DLGAP2: variants seen among roughly 807,000 people sequenced by gnomAD.
The protein encoded by DLGAP2 is disks large-associated protein 2.
In DLGAP2, 26 loss-of-function variants were observed where a neutral mutation model predicts 100.3. The ratio of observed to expected loss-of-function variants is 0.26; its 90% confidence interval spans 0.19 to 0.36. The LOEUF (loss-of-function observed/expected upper bound fraction) is 0.36. Ranked by LOEUF, DLGAP2 falls within the 10% of genes least tolerant of loss-of-function variation. The probability of loss-of-function intolerance (pLI) is 1.00; values close to 1 mark genes in which losing one functional copy is unlikely to be tolerated. For missense variants in DLGAP2, 1,858 were observed against 1,453.2 expected (o/e 1.28, Z -4.53); for synonymous variants, 886 against 630.1 (o/e 1.41, Z -6.08).
intron 1 of DLGAP2, among the ~76,000 whole-genome samples, chr8:878,826 C>T (rs1015274815): frequency 6.6e-5 from 10 of 152,176 alleles, no homozygotes; most frequent in African/African-American, 1.9e-4. Flanking sequence ...TGAGACAGCA[C>T]AAGGCTCCCA....
intron 2 of DLGAP2, among the ~76,000 whole-genome samples, chr8:1,149,591 T>A (rs1796664130): frequency 6.6e-6 from 1 of 152,372 alleles, no homozygotes; most frequent in Middle Eastern, 3.4e-3. Flanking sequence ...TATATTCTAA[T>A]ATTTAAGTTT....
intron 6 of DLGAP2, among the ~76,000 whole-genome samples, chr8:1,593,864 G>T (rs1335525214): frequency 6.6e-6 from 1 of 152,196 alleles, no homozygotes; most frequent in Non-Finnish European, 1.5e-5. Flanking sequence ...GCTTCCCACT[G>T]AAGAGGAAAG....
intron 3 of DLGAP2, among the ~76,000 whole-genome samples, chr8:1,382,553 C>A (rs192255373): frequency 6.6e-6 from 1 of 152,152 alleles, no homozygotes; most frequent in East Asian, 1.9e-4. Context: ...CTGGGCAACA[C>A]AGTGAGACCC....
chr8:1,332,375 G>T (rs1301532745), intron 3 of DLGAP2, among the ~76,000 whole-genome samples: 1 of 152,056 alleles, frequency 6.6e-6, no homozygotes, highest in Non-Finnish European at 1.5e-5. Flanking sequence ...ACACATATCT[G>T]CACATGTGTG....
intron 6 of DLGAP2, among the ~76,000 whole-genome samples, chr8:1,582,307 A>AGCCCCACACACATGTACAC (rs1292749651): frequency 2.6e-4 from 27 of 102,318 alleles, no homozygotes; most frequent in East Asian, 5.7e-4. Flanking sequence ...GATACAGATA[A>AGCCCCACACACATGTACAC]AACCTTAAAA....
intron 3 of DLGAP2, among the ~76,000 whole-genome samples, chr8:1,291,973 A>G (rs1374064958): frequency 6.6e-5 from 10 of 152,220 alleles, no homozygotes; most frequent in Admixed American, 6.5e-4. Context: ...AGATGTAGGG[A>G]CATGAGAGGC....
At chr8:1,653,980 C>T (rs1008103445) in intron 8 of DLGAP2, among the ~76,000 whole-genome samples, 1 of 152,144 alleles carries the variant, frequency 6.6e-6, no homozygotes, top group African/African-American at 2.4e-5. Context: ...GAAAGAGAGA[C>T]ATTAGTAACT....
intron 3 of DLGAP2, chr8:1,262,421 C>T (rs540633785): frequency 6.6e-6 from 1 of 152,128 alleles, no homozygotes. Flanking sequence ...CAAGAAGATA[C>T]AGACAGCCCA....
At chr8:1,422,144 G>C (rs1053730861) in intron 3 of DLGAP2, among the ~76,000 whole-genome samples, 4 of 152,112 alleles carry the variant, frequency 2.6e-5, no homozygotes, top group Admixed American at 6.5e-5. Context: ...CCCGTTTCAC[G>C]GACCACATGG....
intron 3 of DLGAP2, among the ~76,000 whole-genome samples, chr8:1,443,643 A>G (rs542671415): frequency 6.6e-6 from 1 of 152,192 alleles, no homozygotes; most frequent in African/African-American, 2.4e-5. Context: ...ATGAGCAGCA[A>G]AGTCACATCT....
chr8:1,316,132 TGCGA>T (rs1800740678), intron 3 of DLGAP2, among the ~76,000 whole-genome samples: 1 of 126,260 alleles, frequency 7.9e-6, no homozygotes. Context: ...ATAGAGCGTG[TGCGA>T]GTGCAGCGTC....
chr8:1,647,707 G>A (rs1488043342), intron 8 of DLGAP2, among the ~76,000 whole-genome samples: 2 of 152,112 alleles, frequency 1.3e-5, no homozygotes, highest in Non-Finnish European at 2.9e-5. Flanking sequence ...TGAGGCTGCA[G>A]GAGCTGCCAG....
chr8:779,315 C>A (rs1356705279), intron 1 of DLGAP2, among the ~76,000 whole-genome samples: 1 of 152,198 alleles, frequency 6.6e-6, no homozygotes, highest in Non-Finnish European at 1.5e-5. Flanking sequence ...CTTGCTCATG[C>A]TGGGAGCTGT....
At chr8:775,941 G>T (rs1482658872) in intron 1 of DLGAP2, among the ~76,000 whole-genome samples, 3 of 149,368 alleles carry the variant, frequency 2.0e-5, no homozygotes, top group Non-Finnish European at 3.0e-5. Context: ...GTTCCTCCTT[G>T]TACCTCTGGT....
intron 2 of DLGAP2, among the ~76,000 whole-genome samples, chr8:1,176,232 C>G (rs150078952): frequency 0.011 from 1,656 of 152,250 alleles, 8 homozygotes; most frequent in Middle Eastern, 0.024. Flanking sequence ...CTGCCACTTT[C>G]AAACCATCAG....
At chr8:1,413,187 T>G (rs1260469780) in intron 3 of DLGAP2, among the ~76,000 whole-genome samples, 1 of 152,208 alleles carries the variant, frequency 6.6e-6, no homozygotes, top group Non-Finnish European at 1.5e-5. Context: ...CTTGTCTCCC[T>G]CCTCTCTGTA....
chr8:1,276,303 T>A (rs1799694887), intron 3 of DLGAP2, among the ~76,000 whole-genome samples: 1 of 151,772 alleles, frequency 6.6e-6, no homozygotes, highest in African/African-American at 2.4e-5. Context: ...CTATGAAAAG[T>A]GATACTTCAA....
rs548253988 is a variant in DLGAP2 at position 1,490,843 on chromosome 8, G to C, written c.107-10523G>C. On this transcript the variant is annotated intron_variant, in intron 3 of 14. Coordinates refer to ENST00000637795, the MANE Select transcript of DLGAP2 (RefSeq NM_001346810.2). Reference sequence around the variant, plus strand: ...TGAAATTGAGAACACATGGACACAGGAAGGGGAACATCACACACCGGGGAC... The same window carrying C: ...TGAAATTGAGAACACATGGACACAGCAAGGGGAACATCACACACCGGGGAC... 4.0e-5 allele frequency among the ~76,000 whole-genome samples: 6 copies of C among 151,354 alleles called. No homozygotes were observed. The South Asian group carries it at 6.4e-4, about 16-fold the overall frequency.
At chr8:1,041,062 C>T (rs1215404971) in intron 2 of DLGAP2, among the ~76,000 whole-genome samples, 2 of 152,140 alleles carry the variant, frequency 1.3e-5, no homozygotes, top group African/African-American at 4.8e-5. Flanking sequence ...AATTGAGTTA[C>T]CAGAAATGGT....
Sources: allele counts gnomAD v4.1 joint callset (sites outside exome capture counted in the v4.1 genomes callset), GRCh38; gene constraint gnomAD v4.1.1; transcripts MANE v1.5; gene names NCBI Gene and HGNC (gene_info 2026-07-23, HGNC 2026-07-21).